ASTN2: variants seen among roughly 807,000 people sequenced by gnomAD.
ASTN2 encodes the protein astrotactin 2.
A neutral mutation model predicts 139.8 loss-of-function variants in ASTN2; 54 were observed. The observed-to-expected ratio is 0.39, with a 90% CI of 0.31 to 0.48. The LOEUF (loss-of-function observed/expected upper bound fraction) is 0.48, where lower values mean the gene tolerates loss of function less well. ASTN2 is among the 20% of genes least tolerant of loss of function. ASTN2 has a pLI of 0.95. For missense variants in ASTN2, 1,565 were observed against 1,725.1 expected, an observed-to-expected ratio of 0.91 and a Z score of 1.64; for synonymous variants, 756 against 719.5, an observed-to-expected ratio of 1.05 and a Z score of -0.81.
chr9:117,103,083 T>C (rs1385707039), intron 4 of ASTN2, among the ~76,000 whole-genome samples: 1 of 152,118 alleles, frequency 6.6e-6, no homozygotes, highest in Non-Finnish European at 1.5e-5. Flanking sequence ...CAGTTTGTCC[T>C]AGACCACATG....
intron 19 of ASTN2, among the ~76,000 whole-genome samples, chr9:116,520,432 A>G (rs1254840633): frequency 6.6e-6 from 1 of 152,086 alleles, no homozygotes; most frequent in Non-Finnish European, 1.5e-5. Flanking sequence ...CAGAAAAGGC[A>G]TGTGACAAAA....
intron 1 of ASTN2, among the ~76,000 whole-genome samples, chr9:117,363,791 G>A (rs1171563930): frequency 6.6e-6 from 1 of 152,094 alleles, no homozygotes; most frequent in African/African-American, 2.4e-5. Context: ...TTGAACCTTG[G>A]CATTAAAGAC....
At chr9:117,044,331 C>A (rs570606160) in intron 5 of ASTN2, among the ~76,000 whole-genome samples, 2 of 152,154 alleles carry the variant, frequency 1.3e-5, no homozygotes, top group Admixed American at 6.5e-5. Flanking sequence ...ATTTACTCGG[C>A]GAATGCCTGA....
chr9:117,385,066 G>A (rs1247004308), intron 1 of ASTN2, among the ~76,000 whole-genome samples: 1 of 152,100 alleles, frequency 6.6e-6, no homozygotes, highest in Non-Finnish European at 1.5e-5. Flanking sequence ...TAGTATCGAA[G>A]TTTTTGATGC....
At chr9:117,356,566 C>T (rs1829544165) in intron 1 of ASTN2, among the ~76,000 whole-genome samples, 1 of 152,158 alleles carries the variant, frequency 6.6e-6, no homozygotes, top group Non-Finnish European at 1.5e-5. Context: ...ACTGGCTCTA[C>T]AGTAAAACAG....
At chr9:116,965,748 A>T (rs2132510528) in intron 10 of ASTN2, among the ~76,000 whole-genome samples, 2 of 152,320 alleles carry the variant, frequency 1.3e-5, no homozygotes, top group Admixed American at 1.3e-4. Context: ...ATCCTGATTC[A>T]TACAGAGCAG....
rs376349532 is a variant in ASTN2, at chr9:116,618,382, G to A, written c.3297C>T (p.Ser1099=). The change falls in exon 19 of 23, where the codon TCC becomes TCT. Residue 1099 remains serine, a synonymous_variant. Coordinates refer to ENST00000313400, the MANE Select transcript of ASTN2 (RefSeq NM_001365068.1). The part of the protein sequence containing the change: ...DVQPAIGTKV[S]DYILQHKKVD... ...CTTTCTTATGCTGCAGAATATAGTCGGAGACCTTGGTCCCAATAGCTGGCT... is the reference window on the plus strand; with the variant it reads ...CTTTCTTATGCTGCAGAATATAGTCAGAGACCTTGGTCCCAATAGCTGGCT... 1.6e-5 allele frequency: 26 copies of A among 1,613,974 alleles called. No homozygotes were observed. Among genetic ancestry groups the A allele is most frequent in the East Asian group, 4.5e-5 (2 of 44,894 alleles).
chr9:116,552,008 TACATAC>T (rs1215965950), intron 19 of ASTN2: 1 of 108,484 alleles, frequency 9.2e-6, no homozygotes, highest in Non-Finnish European at 2.0e-5. Flanking sequence ...CATATACATA[TACATAC>T]ACATATACAT....
chr9:116,841,649 G>A (rs935080669), intron 11 of ASTN2, among the ~76,000 whole-genome samples: 6 of 152,174 alleles, frequency 3.9e-5, no homozygotes, highest in Non-Finnish European at 8.8e-5. Context: ...AAGTCTGACT[G>A]AGCCACTTCC....
Position 116,651,625 on chromosome 9 carries a change from C to G in ASTN2, c.2975G>C (p.Arg992Pro). Reference protein sequence around the residue: ...RCPSTCHLCRRPGKEQLSPTP... With the variant: ...RCPSTCHLCRPPGKEQLSPTP... ...GGGGCTCAGCTGCTCCTTGCCTGGC[C>G]GGCGGCAAAGGTGACAGGTAGATGG... The change falls in exon 17 of 23, where the codon CGG becomes CCG. Residue 992 changes from arginine (R) to proline (P), a missense_variant. Physicochemically the swap from Arg to Pro is moderately radical, Grantham distance 103. Coordinates refer to ENST00000313400, the MANE Select transcript of ASTN2 (RefSeq NM_001365068.1). The G allele has an allele frequency of 6.2e-7, 1 of 1,614,140 alleles. No individual in the cohort carries two copies. Among genetic ancestry groups the G allele is most frequent in the South Asian group, 1.1e-5 (1 of 91,078 alleles).
intron 1 of ASTN2, among the ~76,000 whole-genome samples, chr9:117,382,127 C>A (rs1830288696): frequency 6.6e-6 from 1 of 152,110 alleles, no homozygotes; most frequent in Admixed American, 6.6e-5. Context: ...AATAACAATT[C>A]TATTACTTGG....
intron 3 of ASTN2, among the ~76,000 whole-genome samples, chr9:117,183,152 A>C (rs147495404): frequency 1.3e-5 from 2 of 152,154 alleles, no homozygotes; most frequent in Non-Finnish European, 2.9e-5. Flanking sequence ...TGTTAATTAA[A>C]TTAGTAATTG....
intron 5 of ASTN2, among the ~76,000 whole-genome samples, chr9:117,061,052 G>T (rs931356426): frequency 1.3e-5 from 2 of 152,164 alleles, no homozygotes; most frequent in African/African-American, 4.8e-5. Context: ...TCATGGGGCT[G>T]AAAGCCTAAT....
At chr9:116,923,620 C>T (rs1490679799) in intron 10 of ASTN2, among the ~76,000 whole-genome samples, 2 of 152,134 alleles carry the variant, frequency 1.3e-5, no homozygotes, top group African/African-American at 2.4e-5. Flanking sequence ...CAGCTTTTAC[C>T]CCTGGAGATG....
chr9:116,896,681 G>A (rs946977054), intron 10 of ASTN2, among the ~76,000 whole-genome samples: 10 of 152,164 alleles, frequency 6.6e-5, no homozygotes, highest in Admixed American at 6.5e-5. Context: ...GGCTGGGGAG[G>A]TCTTGGGAAA....
intron 19 of ASTN2, among the ~76,000 whole-genome samples, chr9:116,558,765 A>G (rs1450928996): frequency 6.6e-6 from 1 of 152,220 alleles, no homozygotes; most frequent in Non-Finnish European, 1.5e-5. Flanking sequence ...AGTGAGACAC[A>G]GAAGAAAAAG....
intron 6 of ASTN2, among the ~76,000 whole-genome samples, chr9:117,030,930 C>G (rs975468423): frequency 1.3e-5 from 2 of 152,156 alleles, no homozygotes; most frequent in African/African-American, 4.8e-5. Flanking sequence ...GAAGCCTAGC[C>G]TTGCCTTCTC....
intron 1 of ASTN2, among the ~76,000 whole-genome samples, chr9:117,342,613 C>T (rs1017822666): frequency 1.3e-5 from 2 of 152,148 alleles, no homozygotes; most frequent in African/African-American, 4.8e-5. Flanking sequence ...TGGCTAGGTC[C>T]TGGTTTCCTC....
chr9:117,088,471 T>A (rs997139246), intron 5 of ASTN2, among the ~76,000 whole-genome samples: 2 of 152,152 alleles, frequency 1.3e-5, no homozygotes, highest in Non-Finnish European at 2.9e-5. Context: ...TGACTTGAAC[T>A]TTTCCTCACC....
Sources: allele counts gnomAD v4.1 joint callset (sites outside exome capture counted in the v4.1 genomes callset), GRCh38; gene constraint gnomAD v4.1.1; transcripts MANE v1.5; gene names NCBI Gene and HGNC (gene_info 2026-07-23, HGNC 2026-07-21).